Variants in TNRC6B observed in about 807,000 individuals in gnomAD.
TNRC6B encodes the protein trinucleotide repeat-containing gene 6B protein.
In TNRC6B, 52 loss-of-function variants were observed where a neutral mutation model predicts 203.6. The ratio of observed to expected loss-of-function variants is 0.26; its 90% CI spans 0.20 to 0.32. The LOEUF (loss-of-function observed/expected upper bound fraction) is 0.32, where lower values mean the gene tolerates loss of function less well. TNRC6B is among the 10% of genes least tolerant of loss of function. The pLI is 1.00. For synonymous variants in TNRC6B, 838 were observed against 845.7 expected, an observed-to-expected ratio of 0.99 and a Z score of 0.16; for missense variants, 1,923 against 2,286.2, an observed-to-expected ratio of 0.84 and a Z score of 3.24.
intron 4 of TNRC6B, among the ~76,000 whole-genome samples, chr22:40,156,966 G>A (rs1332375155): frequency 6.6e-6 from 1 of 151,776 alleles, no homozygotes; most frequent in African/African-American, 2.4e-5. Context: ...GTAGAGATGG[G>A]GTTTCACCAT....
chr22:40,318,149 G>A (rs981237582), intron 21 of TNRC6B, among the ~76,000 whole-genome samples: 2 of 152,106 alleles, frequency 1.3e-5, no homozygotes, highest in Admixed American at 1.3e-4. Context: ...CACAGGACTC[G>A]TATTTCAAGA....
At chr22:40,077,919 T>A (rs780920261) in intron 1 of TNRC6B, among the ~76,000 whole-genome samples, 32 of 152,252 alleles carry the variant, frequency 2.1e-4, no homozygotes, top group Admixed American at 7.2e-4. Flanking sequence ...GCACTGTTTT[T>A]CACTACATAG....
intron 11 of TNRC6B, among the ~76,000 whole-genome samples, chr22:40,283,363 G>A (rs1237056927): frequency 6.6e-6 from 1 of 152,078 alleles, no homozygotes; most frequent in Non-Finnish European, 1.5e-5. Flanking sequence ...TTTTACAGAT[G>A]GGGTCTTGCT....
At chr22:40,147,559 T>C (rs567077420) in intron 3 of TNRC6B, among the ~76,000 whole-genome samples, 1 of 152,268 alleles carries the variant, frequency 6.6e-6, no homozygotes. Flanking sequence ...GGAGGAATAC[T>C]GCGTCCCCAC....
At chr22:40,084,832 C>T (rs2146291900) in intron 1 of TNRC6B, among the ~76,000 whole-genome samples, 1 of 152,232 alleles carries the variant, frequency 6.6e-6, no homozygotes, top group Non-Finnish European at 1.5e-5. Flanking sequence ...AAGTCATGCT[C>T]AGGAGTTTGG....
At chr22:40,216,339 C>G (rs2069634905) in intron 1 of TNRC6B, among the ~76,000 whole-genome samples, 1 of 152,112 alleles carries the variant, frequency 6.6e-6, no homozygotes. Context: ...GTATGTGCTA[C>G]TCTCTACAGC....
At chr22:40,291,642 AGATTTACCTT>A (rs2070870687) in intron 12 of TNRC6B, among the ~76,000 whole-genome samples, 1 of 152,190 alleles carries the variant, frequency 6.6e-6, no homozygotes, top group African/African-American at 2.4e-5. Context: ...TTCATCAGGT[AGATTTACCTT>A]GATTTACTTA....
In TNRC6B at chr22:40,265,211, A is replaced by C. The variant is rs749966206; in HGVS notation, c.981A>C (p.Thr327=). The change falls in exon 5 of 23, where the codon ACA becomes ACC. Residue 327 remains threonine, a synonymous_variant. Transcript: ENST00000454349. ...CTTCTAGGAAAGGGGCATTGGAAAC[A>C]GATAATAGTAATTCCAGTGCACAGG... The part of the protein sequence containing the change: ...EGTSRKGALE[T]DNSNSSAQVS... 6.2e-7 allele frequency: 1 copy of C among 1,614,068 alleles called. No homozygotes were observed. Among genetic ancestry groups the C allele is most frequent in the South Asian group, 1.1e-5 (1 of 91,088 alleles).
chr22:40,138,227 T>C (rs1297342949), intron 3 of TNRC6B, among the ~76,000 whole-genome samples: 2 of 152,156 alleles, frequency 1.3e-5, no homozygotes. Context: ...CCATGTGAAA[T>C]AGGAGATAGA....
intron 3 of TNRC6B, among the ~76,000 whole-genome samples, chr22:40,148,271 G>T (rs948582902): frequency 1.3e-5 from 2 of 151,530 alleles, no homozygotes; most frequent in African/African-American, 4.8e-5. Context: ...CAACCACGTT[G>T]GAAAACAGTT....
chr22:40,121,007 C>T (rs1003326037), intron 2 of TNRC6B, among the ~76,000 whole-genome samples: 1 of 152,156 alleles, frequency 6.6e-6, no homozygotes, highest in Non-Finnish European at 1.5e-5. Context: ...ACACACTCAT[C>T]AGAGAAGTGA....
intron 1 of TNRC6B, among the ~76,000 whole-genome samples, chr22:40,228,804 A>G (rs138045): frequency 0.97 from 146,751 of 152,004 alleles, 70,881 homozygotes; most frequent in East Asian, 0.99. Flanking sequence ...GATTACAGAC[A>G]TGAGCCACCG....
intron 1 of TNRC6B, among the ~76,000 whole-genome samples, chr22:40,065,814 A>C (rs946045828): frequency 3.3e-5 from 5 of 152,122 alleles, no homozygotes; most frequent in African/African-American, 4.8e-5. Context: ...TGAGTCTTCT[A>C]CTTAGTGCCC....
intron 1 of TNRC6B, among the ~76,000 whole-genome samples, chr22:40,092,004 CAA>C: frequency 6.6e-6 from 1 of 152,234 alleles, no homozygotes; most frequent in East Asian, 1.9e-4. Flanking sequence ...ACTTAGGACT[CAA>C]ATATGTCTCA....
intron 1 of TNRC6B, among the ~76,000 whole-genome samples, chr22:40,060,142 T>TC (rs1277777036): frequency 3.4e-5 from 5 of 148,162 alleles, no homozygotes; most frequent in African/African-American, 7.7e-5. Flanking sequence ...CATTTTTTTT[T>TC]TCTTTTTTTT....
chr22:40,141,751 T>C (rs976602166), intron 3 of TNRC6B, among the ~76,000 whole-genome samples: 1 of 148,190 alleles, frequency 6.7e-6, no homozygotes, highest in African/African-American at 2.5e-5. Context: ...CCAGCTGTTT[T>C]TTTCTTGTTT....
chr22:40,217,972 CAAAAA>C (rs138025), intron 1 of TNRC6B, among the ~76,000 whole-genome samples: 1 of 112,714 alleles, frequency 8.9e-6, no homozygotes, highest in South Asian at 2.9e-4. Context: ...GACTCCATCT[CAAAAA>C]AAAAAAAAAA....
At chr22:40,317,506 A>C (rs1601519493) in intron 21 of TNRC6B, among the ~76,000 whole-genome samples, 1 of 152,330 alleles carries the variant, frequency 6.6e-6, no homozygotes, top group Non-Finnish European at 1.5e-5. Context: ...TGAACCTAGG[A>C]GGCAGAGGTT....
chr22:40,164,445 T>C (rs1005355731), intron 4 of TNRC6B, among the ~76,000 whole-genome samples: 13 of 151,432 alleles, frequency 8.6e-5, no homozygotes, highest in African/African-American at 2.9e-4. Context: ...TGTTCCACTT[T>C]ATTTTTTTTT....
Sources: allele counts gnomAD v4.1 joint callset (sites outside exome capture counted in the v4.1 genomes callset), GRCh38; gene constraint gnomAD v4.1.1; transcripts MANE v1.5; gene names NCBI Gene and HGNC (gene_info 2026-07-23, HGNC 2026-07-21).